BCL7C: variants seen among roughly 807,000 people sequenced by gnomAD.
BCL7C encodes BAF chromatin remodeling complex subunit BCL7C, also known as B-cell CLL/lymphoma 7 protein family member C.
In BCL7C, 8 loss-of-function variants were observed where a neutral mutation model predicts 26.2. The ratio of observed to expected loss-of-function variants is 0.30; its 90% CI spans 0.18 to 0.55. The LOEUF is 0.55. Among genes scored for constraint, BCL7C ranks in the 20% least tolerant of loss-of-function variants. The pLI, the probability that BCL7C is intolerant of heterozygous loss-of-function variation, is 0.93. For missense variants in BCL7C, 262 were observed against 298.5 expected (o/e 0.88, Z 0.90); for synonymous variants, 90 against 116.5 (o/e 0.77, Z 1.47).
intron 5 of BCL7C, among the ~76,000 whole-genome samples, chr16:30,850,062 C>T (rs1002290289): frequency 6.6e-6 from 1 of 151,678 alleles, no homozygotes; most frequent in Admixed American, 6.6e-5. Flanking sequence ...ACAAAAAAAT[C>T]AGCTGGGCAT....
At chr16:30,853,354 G>A (rs1344675571) in intron 5 of BCL7C, among the ~76,000 whole-genome samples, 1 of 152,110 alleles carries the variant, frequency 6.6e-6, no homozygotes, top group African/African-American at 2.4e-5. Flanking sequence ...AGATCATCGA[G>A]ATCACTGTCT....
intron 5 of BCL7C, among the ~76,000 whole-genome samples, chr16:30,854,703 C>CTATCTTTT (rs1567311076): frequency 1.4e-5 from 1 of 70,462 alleles, no homozygotes; most frequent in Admixed American, 1.9e-4. Context: ...TCACCACTCA[C>CTATCTTTT]TTTCTTTTTT....
At chr16:30,891,187 G>C (rs1465079833) in intron 4 of BCL7C, among the ~76,000 whole-genome samples, 9 of 107,840 alleles carry the variant, frequency 8.3e-5, no homozygotes, top group Non-Finnish European at 1.6e-4. Flanking sequence ...AAAAAAAAAA[G>C]GCTGGGCGTG....
At chr16:30,880,311 C>T (rs1047738490) in intron 5 of BCL7C, among the ~76,000 whole-genome samples, 4 of 151,410 alleles carry the variant, frequency 2.6e-5, no homozygotes, top group Non-Finnish European at 5.9e-5. Context: ...TGGTGAGACC[C>T]CGTCTCTGCA....
intron 5 of BCL7C, among the ~76,000 whole-genome samples, chr16:30,843,169 G>A (rs572260063): frequency 2.0e-5 from 3 of 152,286 alleles, no homozygotes; most frequent in African/African-American, 4.8e-5. Context: ...CGGCCACTGC[G>A]AGGCCATGAC....
rs1182808953 is a variant in BCL7C at position 30,868,404 on chromosome 16, T to G, written c.528+20456A>C. 4.0e-5 allele frequency among the ~76,000 whole-genome samples: 6 copies of G among 148,172 alleles called. No individual in the cohort carries two copies. In the East Asian group the frequency reaches 1.3e-3, roughly 32 times the overall value. On this transcript the variant is annotated intron_variant, in intron 5 of 5. Coordinates refer to the BCL7C transcript ENST00000380317. The stretch of plus-strand genomic sequence containing the variant: ...CGCCCACCTCGGCCTCCCAAAGTGC[T>G]GGGATTACAGGCGTGAGTCACCGCA...
At position 30,868,237 on chromosome 16, in the gene BCL7C, C is replaced by T. The variant is rs543005100; in HGVS notation, c.528+20623G>A. On this transcript the variant is annotated intron_variant, in intron 5 of 5. Coordinates refer to the BCL7C transcript ENST00000380317. ...CTGCCTCCTGGGTTCAAGCGATTCT[C>T]CTGCCTCAGCCTCCCGAGTAGCTGG... 1.2e-3 allele frequency among the ~76,000 whole-genome samples: 185 copies of T among 149,374 alleles called. 1 individual carries two copies. The South Asian group carries it at 0.039, about 31-fold the overall frequency.
downstream of BCL7C, among the ~76,000 whole-genome samples, chr16:30,887,080 G>A (rs576014213): frequency 8.1e-4 from 124 of 152,174 alleles, 1 homozygote; most frequent in African/African-American, 2.9e-3. Context: ...AGGCCGAGGC[G>A]GGCAAATCAC....
chr16:30,878,562 T>G (rs2143070101), intron 5 of BCL7C, among the ~76,000 whole-genome samples: 2 of 134,742 alleles, frequency 1.5e-5, no homozygotes, highest in Non-Finnish European at 1.6e-5. Context: ...ATGTCTGGGG[T>G]GGCTGGGCGT....
chr16:30,835,990 C>T (rs774084328), intron 5 of BCL7C, among the ~76,000 whole-genome samples: 2 of 151,738 alleles, frequency 1.3e-5, no homozygotes, highest in East Asian at 1.9e-4. Context: ...TGGTGGCTCA[C>T]GCCTGTAATC....
At chr16:30,864,410 C>T (rs2054805824) in intron 5 of BCL7C, among the ~76,000 whole-genome samples, 1 of 152,150 alleles carries the variant, frequency 6.6e-6, no homozygotes, top group Non-Finnish European at 1.5e-5. Context: ...TAATACAAAA[C>T]TGCATCCAGG....
intron 5 of BCL7C, among the ~76,000 whole-genome samples, chr16:30,850,422 A>T (rs1163232823): frequency 6.6e-6 from 1 of 152,134 alleles, no homozygotes; most frequent in Non-Finnish European, 1.5e-5. Context: ...ATGGGGATAC[A>T]TTCTGAGAAA....
chr16:30,845,089 C>CA (rs1180962523), intron 5 of BCL7C, among the ~76,000 whole-genome samples: 2 of 152,162 alleles, frequency 1.3e-5, no homozygotes, highest in African/African-American at 4.8e-5. Flanking sequence ...CCAATATGGA[C>CA]ACCACAAATC....
intron 5 of BCL7C, among the ~76,000 whole-genome samples, chr16:30,867,898 G>A (rs1196784090): frequency 6.6e-6 from 1 of 152,158 alleles, no homozygotes; most frequent in Admixed American, 6.6e-5. Context: ...TGACTCTGAA[G>A]ATGGAGGGAG....
chr16:30,840,195 C>T (rs2054593146), intron 5 of BCL7C, among the ~76,000 whole-genome samples: 1 of 150,696 alleles, frequency 6.6e-6, no homozygotes, highest in Non-Finnish European at 1.5e-5. Flanking sequence ...TTCTGTTCTA[C>T]ACCGTCAAAT....
rs1187827463 is a variant in BCL7C at position 30,879,689 on chromosome 16, C to CAAAAAAAAAAAAAAAAAAAAAAAAAA, written c.528+9170_528+9171insTTTTTTTTTTTTTTTTTTTTTTTTTT. On this transcript the variant is annotated intron_variant, in intron 5 of 5. Transcript: ENST00000380317. Reference sequence around the variant, plus strand: ...AACACAGAGAGACTCCCCTTCTCTACAAAAAAAAAAAAAAAAAAAACTGGG... The same window carrying CAAAAAAAAAAAAAAAAAAAAAAAAAA: ...AACACAGAGAGACTCCCCTTCTCTACAAAAAAAAAAAAAAAAAAAAAAAAAAAAAAAAAAAAAAAAAAAAAACTGGG... Among the ~76,000 whole-genome samples the CAAAAAAAAAAAAAAAAAAAAAAAAAA allele has an allele frequency of 8.8e-4, 26 of 29,402 alleles. 9 individuals carry two copies. Among genetic ancestry groups the CAAAAAAAAAAAAAAAAAAAAAAAAAA allele is most frequent in the Admixed American group, 1.8e-3 (3 of 1,660 alleles). The allele number at this position is 29,402 out of a possible 152,430, so 19.3% of individuals were successfully genotyped here. A position where few individuals can be genotyped will look rare whatever the true frequency, so the allele number is the denominator to read the frequency against.
chr16:30,850,253 G>A (rs1228703943), intron 5 of BCL7C, among the ~76,000 whole-genome samples: 2 of 151,044 alleles, frequency 1.3e-5, no homozygotes, highest in Admixed American at 1.3e-4. Flanking sequence ...AAAGAAATAT[G>A]CCTTCCAAAT....
chr16:30,867,719 G>A (rs1166337306), intron 5 of BCL7C, among the ~76,000 whole-genome samples: 2 of 152,130 alleles, frequency 1.3e-5, no homozygotes, highest in African/African-American at 4.8e-5. Context: ...CTTGAACCCG[G>A]GAGGCGGAGG....
chr16:30,860,955 G>T (rs1005373343), intron 5 of BCL7C, among the ~76,000 whole-genome samples: 1 of 151,956 alleles, frequency 6.6e-6, no homozygotes, highest in Non-Finnish European at 1.5e-5. Flanking sequence ...CACCCGGTCC[G>T]GCTTACAGTT....
Sources: allele counts gnomAD v4.1 joint callset (sites outside exome capture counted in the v4.1 genomes callset), GRCh38; gene constraint gnomAD v4.1.1; transcripts MANE v1.5; gene names NCBI Gene and HGNC (gene_info 2026-07-23, HGNC 2026-07-21).